Variants in CFAP206 observed in about 807,000 individuals in gnomAD.
CFAP206 encodes the protein cilia- and flagella-associated protein 206.
Under a neutral mutation model 65.4 loss-of-function variants are expected in CFAP206, and 53 were observed. The observed-to-expected ratio is 0.81, with a 90% CI of 0.65 to 1.02. The LOEUF (loss-of-function observed/expected upper bound fraction) is 1.02. CFAP206 is among the 50% of genes least tolerant of loss of function. The pLI, the probability that CFAP206 is intolerant of heterozygous loss-of-function variation, is 0.00. For missense variants in CFAP206, 663 were observed against 753.2 expected (o/e 0.88, Z 1.40); for synonymous variants, 250 against 254.4 (o/e 0.98, Z 0.17).
chr6:87,434,502 CTTT>C (rs377378986), intron 10 of CFAP206, among the ~76,000 whole-genome samples: 2 of 134,468 alleles, frequency 1.5e-5, no homozygotes, highest in Admixed American at 1.5e-4. Flanking sequence ...TTTTCTTTTT[CTTT>C]TTTTTTTTTT....
intron 7 of CFAP206, among the ~76,000 whole-genome samples, chr6:87,421,284 G>A (rs1021353088): frequency 1.3e-5 from 2 of 151,944 alleles, no homozygotes; most frequent in Non-Finnish European, 2.9e-5. Flanking sequence ...TCAGAAGTTC[G>A]AGACCAGCCT....
intron 5 of CFAP206, 105 bp downstream of exon 5, chr6:87,415,979 A>G (rs1352966275): frequency 3.6e-6 from 3 of 828,082 alleles, no homozygotes; most frequent in Middle Eastern, 3.0e-4. Context: ...TTCCCTTTTT[A>G]TCTGAAAAAA....
intron 7 of CFAP206, among the ~76,000 whole-genome samples, chr6:87,424,394 C>T (rs1768002317): frequency 6.6e-6 from 1 of 152,122 alleles, no homozygotes; most frequent in South Asian, 2.1e-4. Flanking sequence ...ATTCTCCTGC[C>T]TCAGCCTCCC....
intron 4 of CFAP206, among the ~76,000 whole-genome samples, chr6:87,414,992 T>A (rs916022611): frequency 1.3e-5 from 2 of 152,152 alleles, no homozygotes; most frequent in Non-Finnish European, 2.9e-5. Context: ...GGTGGATATG[T>A]TAATTATTGA....
At chr6:87,436,274 T>A (rs1351343068) in intron 11 of CFAP206, among the ~76,000 whole-genome samples, 1 of 151,880 alleles carries the variant, frequency 6.6e-6, no homozygotes, top group Non-Finnish European at 1.5e-5. Flanking sequence ...TTAGTAGAGA[T>A]ACGGTTTCAC....
chr6:87,436,084 CTTTT>C (rs561462279), intron 11 of CFAP206: 15 of 124,100 alleles, frequency 1.2e-4, no homozygotes, highest in East Asian at 2.3e-4. Context: ...CTGTTGTTTC[CTTTT>C]TTTTTTTTTT....
chr6:87,442,746 CT>C (rs1434072469), intron 11 of CFAP206, among the ~76,000 whole-genome samples: 3 of 151,992 alleles, frequency 2.0e-5, no homozygotes, highest in Admixed American at 6.6e-5. Context: ...ATCGTTTGGC[CT>C]TTATCCTTTA....
chr6:87,423,051 G>T (rs1010587939), intron 7 of CFAP206, among the ~76,000 whole-genome samples: 3 of 151,590 alleles, frequency 2.0e-5, no homozygotes, highest in Admixed American at 1.3e-4. Context: ...TTGGTAGCTG[G>T]GACTACAGAC....
At chr6:87,416,069 A>T (rs746901373) in intron 5 of CFAP206, among the ~76,000 whole-genome samples, 195 bp downstream of exon 5, 3 of 152,106 alleles carry the variant, frequency 2.0e-5, no homozygotes, top group Admixed American at 6.6e-5. Context: ...CTCAAGTAGC[A>T]CCTCTAGAAA....
chr6:87,439,293 T>C (rs780438484), intron 11 of CFAP206, among the ~76,000 whole-genome samples: 1 of 152,152 alleles, frequency 6.6e-6, no homozygotes, highest in Non-Finnish European at 1.5e-5. Flanking sequence ...TTATATTTTA[T>C]TCTCTACCTA....
chr6:87,420,186 A>G (rs1767914825), intron 7 of CFAP206, among the ~76,000 whole-genome samples: 1 of 152,226 alleles, frequency 6.6e-6, no homozygotes, highest in South Asian at 2.1e-4. Flanking sequence ...CTAGTCAGCT[A>G]CTAAGGGGAT....
intron 10 of CFAP206, among the ~76,000 whole-genome samples, chr6:87,434,386 G>C (rs1562247947): frequency 6.9e-6 from 1 of 144,512 alleles, no homozygotes; most frequent in East Asian, 2.1e-4. Context: ...ATAAGACGCA[G>C]TCTTATCAAC....
intron 11 of CFAP206, among the ~76,000 whole-genome samples, chr6:87,455,886 A>C (rs1768632074): frequency 6.6e-6 from 1 of 152,226 alleles, no homozygotes; most frequent in African/African-American, 2.4e-5. Flanking sequence ...AGCAAAGAAA[A>C]GCCAGGGACC....
At chr6:87,428,068 A>G (rs1380296677) in intron 8 of CFAP206, among the ~76,000 whole-genome samples, 4 of 146,040 alleles carry the variant, frequency 2.7e-5, no homozygotes, top group African/African-American at 1.0e-4. Context: ...ACTCACTGCA[A>G]CCTCCGCCTC....
intron 11 of CFAP206, among the ~76,000 whole-genome samples, chr6:87,446,033 A>G (rs1006419423): frequency 6.6e-6 from 1 of 152,118 alleles, no homozygotes; most frequent in African/African-American, 2.4e-5. Flanking sequence ...TCCTTTGCCC[A>G]CTTTTTAATG....
At chr6:87,429,568 C>A (rs1346803412) in intron 9 of CFAP206, among the ~76,000 whole-genome samples, 1 of 152,072 alleles carries the variant, frequency 6.6e-6, no homozygotes, top group African/African-American at 2.4e-5. Flanking sequence ...TTATTTAGGT[C>A]CTTTAGAAGA....
At position 87,437,861 on chromosome 6, in the gene CFAP206, T is replaced by G. The variant is rs112708306; in HGVS notation, c.1494+2808T>G. On this transcript the variant is annotated intron_variant, in intron 11 of 12. Coordinates refer to ENST00000369562, the MANE Select transcript of CFAP206 (RefSeq NM_001031743.3). Reference sequence around the variant, plus strand: ...TTTTTTTTTTTTTTTTAGTTTTAGTTTTTCTAGAGACGGTGCCTCACTTTG... The same window carrying G: ...TTTTTTTTTTTTTTTTAGTTTTAGTGTTTCTAGAGACGGTGCCTCACTTTG... Among the ~76,000 whole-genome samples, 986 of 149,444 alleles carry G rather than the reference T, an allele frequency of 6.6e-3. 16 individuals carry two copies. The highest frequency in any genetic ancestry group is 0.023 in the African/African-American group (937 of 40,540).
intron 7 of CFAP206, 78 bp from the exon 8 acceptor site, chr6:87,426,448 G>C (rs758772910): frequency 1.9e-6 from 2 of 1,054,740 alleles, no homozygotes; most frequent in Admixed American, 3.0e-5. Context: ...GATGTGGGGA[G>C]CAGGTATGGT....
chr6:87,426,341 A>C (rs1768042486), intron 7 of CFAP206, among the ~76,000 whole-genome samples, 185 bp from the exon 8 acceptor site: 1 of 152,194 alleles, frequency 6.6e-6, no homozygotes, highest in African/African-American at 2.4e-5. Flanking sequence ...CATCTCACAA[A>C]TATCTTGGGA....
Sources: gnomAD v4.1 joint callset for allele counts (sites outside exome capture counted in the v4.1 genomes callset) on GRCh38, gnomAD v4.1.1 for gene constraint, MANE v1.5 for transcripts, NCBI Gene and HGNC (gene_info 2026-07-23, HGNC 2026-07-21) for gene names.